Variants in ATP1A1 observed in about 807,000 individuals in gnomAD.
The protein encoded by ATP1A1 is sodium/potassium-transporting ATPase subunit alpha-1.
A neutral mutation model predicts 114.8 loss-of-function variants in ATP1A1; 14 were observed. The observed-to-expected ratio is 0.12, with a 90% confidence interval of 0.08 to 0.19. The LOEUF is 0.19. Among genes scored for constraint, ATP1A1 ranks in the 10% least tolerant of loss-of-function variants. The pLI is 1.00. For missense variants in ATP1A1, 524 were observed against 1,290.7 expected (o/e 0.41, Z 9.10); for synonymous variants, 471 against 466.3 (o/e 1.01, Z -0.13).
Position 116,401,071 on chromosome 1 carries a change from A to G in ATP1A1, c.2719-59A>G, listed in dbSNP as rs1267852183. ...TCAAGCCCCAGAAGACTGAGGCCACACTGCCACCAGCCATGCAGGTGAAGA... is the reference window on the plus strand; with the variant it reads ...TCAAGCCCCAGAAGACTGAGGCCACGCTGCCACCAGCCATGCAGGTGAAGA... On this transcript the variant is annotated intron_variant, in intron 19 of 22. Coordinates refer to ENST00000295598, the MANE Select transcript of ATP1A1 (RefSeq NM_000701.8). The surrounding 1 kb of genome is among the most constrained non-coding windows in gnomAD (Gnocchi z 4.7). 1.4e-5 allele frequency: 22 copies of G among 1,612,196 alleles called. No homozygotes were observed. Among genetic ancestry groups the G allele is most frequent in the Admixed American group, 6.7e-5 (4 of 59,984 alleles).
Position 116,388,311 on chromosome 1 carries a change from A to G in ATP1A1, c.501+67A>G, listed in dbSNP as rs1570955144. 32 of 1,333,102 alleles carry G rather than the reference A, an allele frequency of 2.4e-5. No homozygotes were observed. The South Asian group carries it at 3.1e-4, about 13-fold the overall frequency. The allele number at this position is 1,333,102 out of a possible 1,614,324, so 82.6% of individuals were successfully genotyped here. A position where few individuals can be genotyped will look rare whatever the true frequency, so the allele number is the denominator to read the frequency against. On this transcript the variant is annotated intron_variant, in intron 5 of 22. Coordinates refer to ENST00000295598, the MANE Select transcript of ATP1A1 (RefSeq NM_000701.8). This position sits in a 1 kb window ranked among gnomAD's most constrained non-coding sequence, Gnocchi z 5.6. The stretch of plus-strand genomic sequence containing the variant: ...CCCCAAGCATGTCAGCCTGTGAATT[A>G]GTGTGAAGTTAAGGTTTTCCAAGTA...
chr1:116,383,805 G>C (rs1446730582), intron 1 of ATP1A1, among the ~76,000 whole-genome samples: 1 of 152,212 alleles, frequency 6.6e-6, no homozygotes. Context: ...CTTGGATGGA[G>C]AGAATGTATC....
chr1:116,384,837 A>G lies in ATP1A1; in HGVS notation c.178A>G (p.Ser60Gly). Residue 60 changes from serine to glycine, a missense_variant, in exon 3 of 23, where the codon AGC (serine) becomes GGC (glycine). Physicochemically the swap from Ser to Gly is moderately conservative, Grantham distance 56. Around this residue, in one of 8 missense-constraint regions of ATP1A1, gnomAD observed 141 missense variants for 316.6 expected, o/e 0.45. Transcript: ENST00000295598. This position sits in a 1 kb window ranked among gnomAD's most constrained non-coding sequence, Gnocchi z 5.1. ...TCATCGTAAATATGGAACAGACTTG[A>G]GCCGGGTATGTTCTAGTTTGAAAGC... is the stretch of plus-strand genomic sequence containing the variant. The part of the protein sequence containing the change: ...ELHRKYGTDL[S>G]RGLTSARAAE... 7 of 1,613,704 alleles carry G rather than the reference A, an allele frequency of 4.3e-6. No homozygotes were observed. Among genetic ancestry groups the G allele is most frequent in the Non-Finnish European group, 5.9e-6 (7 of 1,179,792 alleles).
Position 116,404,758 on chromosome 1 carries a change from T to C in ATP1A1, c.*314T>C. On this transcript the variant is annotated 3_prime_UTR_variant, in exon 23 of 23. Transcript: ENST00000295598. This position sits in a 1 kb window ranked among gnomAD's most constrained non-coding sequence, Gnocchi z 4.8. ...ATATCTGGATTTTTACAAATAAAGA[T>C]GGCTATTATAATGGAATTTGTCTGT... 11 of 1,148,038 alleles carry C rather than the reference T, an allele frequency of 9.6e-6. No homozygotes were observed. The highest frequency in any genetic ancestry group is 1.2e-5 in the Non-Finnish European group (11 of 936,526). The allele number at this position is 1,148,038 out of a possible 1,614,324, so 71.1% of individuals were successfully genotyped here.
rs1296073565 is a variant in ATP1A1 at position 116,390,407 on chromosome 1, G to C, written c.1218G>C (p.Gln406His). ...QIHEADTTEN[Q>H]SGVSFDKTSA... The stretch of plus-strand genomic sequence containing the variant: ...ATGAAGCTGATACGACAGAGAATCA[G>C]AGTGGTAAGGCCAGGGTTACCACAC... Residue 406 changes from glutamine to histidine, a missense_variant, in exon 9 of 23, where the codon CAG (glutamine) becomes CAC (histidine). Physicochemically the swap from Gln to His is conservative, Grantham distance 24. Around this residue, in one of 8 missense-constraint regions of ATP1A1, gnomAD observed 143 missense variants for 259.3 expected, o/e 0.55. Coordinates refer to ENST00000295598, the MANE Select transcript of ATP1A1 (RefSeq NM_000701.8). 1 of 1,613,924 alleles carries C rather than the reference G, an allele frequency of 6.2e-7. No individual in the cohort carries two copies. Among genetic ancestry groups the C allele is most frequent in the African/African-American group, 1.3e-5 (1 of 74,958 alleles).
intron 1 of ATP1A1, among the ~76,000 whole-genome samples, chr1:116,376,511 G>A (rs139344067): frequency 1.3e-3 from 200 of 152,322 alleles, no homozygotes; most frequent in African/African-American, 4.6e-3. Flanking sequence ...GAGCTGGGGG[G>A]TGGAGAGAGC....
In ATP1A1 at chr1:116,373,391, C is replaced by T. The variant is rs1461852823; in HGVS notation, c.-121C>T. ...GCCCTCCCACCCTCCCGCCCCGCGGCAGCCCTAGCTCCCTCCACTTGGCTC... is the reference window on the plus strand; with the variant it reads ...GCCCTCCCACCCTCCCGCCCCGCGGTAGCCCTAGCTCCCTCCACTTGGCTC... On this transcript the variant is annotated 5_prime_UTR_variant, in exon 1 of 23. Coordinates refer to ENST00000295598, the MANE Select transcript of ATP1A1 (RefSeq NM_000701.8). 4 of 510,288 alleles carry T rather than the reference C, an allele frequency of 7.8e-6. No individual in the cohort carries two copies. The highest frequency in any genetic ancestry group is 2.9e-5 in the South Asian group (1 of 33,964). 31.6% of individuals were successfully genotyped at this position (510,288 alleles called of 1,614,324 possible).
In ATP1A1 at chr1:116,397,482, G is replaced by T. The variant is rs1224004981; in HGVS notation, c.1974-406G>T. Among the ~76,000 whole-genome samples the T allele has an allele frequency of 6.6e-6, 1 of 151,890 alleles. No individual in the cohort carries two copies. Among genetic ancestry groups the T allele is most frequent in the East Asian group, 1.9e-4 (1 of 5,174 alleles). ...TTACAGGCCCCAACCACCATGCCCG[G>T]CTAATTTTTGAATTTTTAGACCACC... On this transcript the variant is annotated intron_variant, in intron 14 of 22. Transcript: ENST00000295598. This position sits in a 1 kb window ranked among gnomAD's most constrained non-coding sequence, Gnocchi z 4.2.
intron 1 of ATP1A1, among the ~76,000 whole-genome samples, chr1:116,378,968 A>G (rs1651553341): frequency 1.3e-5 from 2 of 152,242 alleles, no homozygotes; most frequent in Admixed American, 1.3e-4. Flanking sequence ...TTTCCATTGA[A>G]GAAACTGAAG....
intron 9 of ATP1A1, 102 bp downstream of exon 9, chr1:116,390,513 T>C: frequency 8.5e-7 from 1 of 1,177,450 alleles, no homozygotes; most frequent in Non-Finnish European, 1.2e-6. Flanking sequence ...TTTAAGCTCA[T>C]GGCAGCTTTT....
Position 116,388,298 on chromosome 1 carries a change from C to A in ATP1A1, c.501+54C>A. 7.2e-7 allele frequency: 1 copy of A among 1,389,618 alleles called. No individual in the cohort carries two copies. The highest frequency in any genetic ancestry group is 1.2e-5 in the South Asian group (1 of 85,722). 86.1% of individuals were successfully genotyped at this position (1,389,618 alleles called of 1,614,324 possible). ...GATGACTTGACAGCCCCAAGCATGT[C>A]AGCCTGTGAATTAGTGTGAAGTTAA... is the stretch of plus-strand genomic sequence containing the variant. On this transcript the variant is annotated intron_variant, in intron 5 of 22. Coordinates refer to ENST00000295598, the MANE Select transcript of ATP1A1 (RefSeq NM_000701.8). This position sits in a 1 kb window ranked among gnomAD's most constrained non-coding sequence, Gnocchi z 5.6.
chr1:116,397,393 C>T lies in ATP1A1; in HGVS notation c.1974-495C>T, dbSNP rs1385364847. 6.6e-6 allele frequency among the ~76,000 whole-genome samples: 1 copy of T among 152,102 alleles called. No individual in the cohort carries two copies. The highest frequency in any genetic ancestry group is 1.5e-5 in the Non-Finnish European group (1 of 68,024). On this transcript the variant is annotated intron_variant, in intron 14 of 22. Coordinates refer to ENST00000295598, the MANE Select transcript of ATP1A1 (RefSeq NM_000701.8). This position sits in a 1 kb window ranked among gnomAD's most constrained non-coding sequence, Gnocchi z 4.2. ...GGAGTGCAGTGTCATGATCTTGGCT[C>T]ACTGCAACCTCCACCTCCTGAGTTC...
intron 21 of ATP1A1, 129 bp from the exon 22 acceptor site, chr1:116,403,755 T>C: frequency 1.3e-6 from 1 of 760,890 alleles, no homozygotes; most frequent in Non-Finnish European, 2.2e-6. Flanking sequence ...ACTCAGTAGT[T>C]AACTGTGACT....
chr1:116,384,632 C>A lies in ATP1A1; in HGVS notation c.124-151C>A. 1.5e-6 allele frequency: 1 copy of A among 647,224 alleles called. No homozygotes were observed. The highest frequency in any genetic ancestry group is 2.6e-6 in the Non-Finnish European group (1 of 388,238). 40.1% of individuals were successfully genotyped at this position (647,224 alleles called of 1,614,324 possible). ...ACTGTGTGGTTGCAAAGCCACAAAG[C>A]GATGGTGAAAATTGTACCAACTTAT... On this transcript the variant is annotated intron_variant, in intron 2 of 22. Transcript: ENST00000295598. The surrounding 1 kb of genome is among the most constrained non-coding windows in gnomAD (Gnocchi z 5.1).
At chr1:116,374,305 G>T in intron 1 of ATP1A1, 1 of 1,549,344 alleles carries the variant, frequency 6.5e-7, no homozygotes, top group Non-Finnish European at 8.7e-7. Flanking sequence ...ATGGCAACTG[G>T]AGTTGTCATC....
chr1:116,390,560 T>C, intron 9 of ATP1A1, 149 bp downstream of exon 9: 1 of 921,282 alleles, frequency 1.1e-6, no homozygotes, highest in Non-Finnish European at 1.6e-6. Context: ...TATCATTTAG[T>C]GAAGAGTCAA....
chr1:116,383,432 ATGTAT>A (rs911042021), intron 1 of ATP1A1: 3 of 851,880 alleles, frequency 3.5e-6, no homozygotes, highest in Non-Finnish European at 4.3e-6. Flanking sequence ...TAGCATTTAG[ATGTAT>A]TGTATCATTT....
In ATP1A1 at chr1:116,404,585, C is replaced by T; in HGVS notation, c.*141C>T. The T allele has an allele frequency of 3.6e-6, 5 of 1,397,786 alleles. No individual in the cohort carries two copies. Among genetic ancestry groups the T allele is most frequent in the Non-Finnish European group, 4.6e-6 (5 of 1,078,218 alleles). 86.6% of individuals were successfully genotyped at this position (1,397,786 alleles called of 1,614,324 possible). A position where few individuals can be genotyped will look rare whatever the true frequency, so the allele number is the denominator to read the frequency against. Reference sequence around the variant, plus strand: ...GCAGCATGTGGGGAAGCAAGACGTCCTGGAATGAAGCATGTAGCTCTATGG... The same window carrying T: ...GCAGCATGTGGGGAAGCAAGACGTCTTGGAATGAAGCATGTAGCTCTATGG... On this transcript the variant is annotated 3_prime_UTR_variant, in exon 23 of 23. Transcript: ENST00000295598. The surrounding 1 kb of genome is among the most constrained non-coding windows in gnomAD (Gnocchi z 4.8).
intron 1 of ATP1A1, chr1:116,383,339 T>C (rs891141733): frequency 4.7e-6 from 5 of 1,071,410 alleles, no homozygotes; most frequent in Non-Finnish European, 5.7e-6. Context: ...AGGTCAGTGT[T>C]CTTATGTGAG....
Sources: allele counts gnomAD v4.1 joint callset (sites outside exome capture counted in the v4.1 genomes callset), GRCh38; gene constraint gnomAD v4.1.1; regional missense constraint gnomAD v4.1.1; non-coding constraint Gnocchi (gnomAD v3.1); transcripts MANE v1.5; gene names NCBI Gene and HGNC (gene_info 2026-07-23, HGNC 2026-07-21).